Variants in CDYL observed in about 807,000 individuals in gnomAD.
The protein encoded by CDYL is chromodomain Y-like protein.
Under a neutral mutation model 47.3 loss-of-function variants are expected in CDYL, and 8 were observed. That is an observed-to-expected ratio of 0.17 (90% CI 0.10 to 0.31). The LOEUF is 0.31. Ranked by LOEUF, CDYL falls within the 10% of genes least tolerant of loss-of-function variation. The pLI is 1.00. For synonymous variants in CDYL, 266 were observed against 265.0 expected (o/e 1.00, Z -0.04); for missense variants, 471 against 701.4 (o/e 0.67, Z 3.71).
At chr6:4,836,215 A>G (rs1434488259) in intron 1 of CDYL, 2 of 961,156 alleles carry the variant, frequency 2.1e-6, no homozygotes, top group Non-Finnish European at 2.5e-6. Context: ...CTATTCGGCC[A>G]TCTTGGCTCC....
chr6:4,730,674 CAAAAAAAAAA>C (rs56956798), intron 2 of CDYL, among the ~76,000 whole-genome samples: 11 of 60,456 alleles, frequency 1.8e-4, no homozygotes, highest in Non-Finnish European at 3.6e-4. Context: ...AATTCCATCT[CAAAAAAAAAA>C]AAAAAAAAAA....
At chr6:4,932,559 T>C (rs1216108923) in intron 2 of CDYL, among the ~76,000 whole-genome samples, 1 of 152,216 alleles carries the variant, frequency 6.6e-6, no homozygotes, top group Non-Finnish European at 1.5e-5. Context: ...CTGCTTTTTG[T>C]GCTTGGATAT....
intron 1 of CDYL, among the ~76,000 whole-genome samples, chr6:4,786,755 C>T (rs1393930460): frequency 1.3e-5 from 2 of 152,142 alleles, no homozygotes; most frequent in Admixed American, 1.3e-4. Flanking sequence ...CTTCATAACT[C>T]CTCTCTGTCT....
At chr6:4,885,558 T>G (rs762772967) in intron 1 of CDYL, among the ~76,000 whole-genome samples, 3 of 152,196 alleles carry the variant, frequency 2.0e-5, no homozygotes, top group Non-Finnish European at 2.9e-5. Flanking sequence ...TGTTACACTG[T>G]TTCTCTGATG....
chr6:4,770,259 A>G (rs1581154879), intron 3 of CDYL, among the ~76,000 whole-genome samples: 1 of 152,288 alleles, frequency 6.6e-6, no homozygotes, highest in East Asian at 1.9e-4. Flanking sequence ...TAAATGGTCA[A>G]TAAGTATTTA....
chr6:4,943,312 T>A (rs1758415432), intron 4 of CDYL, among the ~76,000 whole-genome samples: 1 of 152,146 alleles, frequency 6.6e-6, no homozygotes, highest in South Asian at 2.1e-4. Context: ...GGCCTTCACG[T>A]AGGGCCTGTA....
At chr6:4,709,818 G>A (rs910952387) in intron 1 of CDYL, among the ~76,000 whole-genome samples, 3 of 152,216 alleles carry the variant, frequency 2.0e-5, no homozygotes, top group Admixed American at 1.3e-4. Flanking sequence ...TTGATTCGGT[G>A]TGAGGCATAT....
intron 1 of CDYL, among the ~76,000 whole-genome samples, chr6:4,844,546 C>A (rs949506172): frequency 6.6e-6 from 1 of 152,224 alleles, no homozygotes; most frequent in African/African-American, 2.4e-5. Flanking sequence ...GTGGGAGCTG[C>A]AAATTAGTCC....
intron 1 of CDYL, among the ~76,000 whole-genome samples, chr6:4,837,065 A>G (rs1269586357): frequency 6.6e-6 from 1 of 152,208 alleles, no homozygotes; most frequent in Non-Finnish European, 1.5e-5. Flanking sequence ...TACATAGCAG[A>G]CACTCTCTTG....
intron 2 of CDYL, among the ~76,000 whole-genome samples, chr6:4,725,434 A>G (rs561696881): frequency 3.9e-4 from 59 of 152,296 alleles, no homozygotes; most frequent in African/African-American, 1.3e-3. Context: ...CGAGGTGGGG[A>G]GGCTCAGGCA....
At chr6:4,732,021 A>T (rs755726143) in intron 2 of CDYL, among the ~76,000 whole-genome samples, 8 of 152,132 alleles carry the variant, frequency 5.3e-5, no homozygotes, top group African/African-American at 1.9e-4. Context: ...TTTAAAAGTA[A>T]TATGTAGAGT....
At chr6:4,901,636 T>C (rs1307262855) in intron 2 of CDYL, among the ~76,000 whole-genome samples, 1 of 152,224 alleles carries the variant, frequency 6.6e-6, no homozygotes, top group African/African-American at 2.4e-5. Context: ...AACCTACTCC[T>C]GACTTCCATT....
At chr6:4,745,097 TA>T (rs1223443279) in intron 3 of CDYL, among the ~76,000 whole-genome samples, 1 of 152,170 alleles carries the variant, frequency 6.6e-6, no homozygotes, top group Non-Finnish European at 1.5e-5. Context: ...CCCGAGTAGC[TA>T]GTACTACAGG....
At chr6:4,887,278 C>T (rs901609440) in intron 1 of CDYL, among the ~76,000 whole-genome samples, 1 of 152,220 alleles carries the variant, frequency 6.6e-6, no homozygotes, top group African/African-American at 2.4e-5. Context: ...ATCTAAAGAT[C>T]AATTTGGAGA....
chr6:4,751,060 TTAGC>T (rs1358310762), intron 3 of CDYL, among the ~76,000 whole-genome samples: 2 of 152,050 alleles, frequency 1.3e-5, no homozygotes, highest in East Asian at 3.9e-4. Context: ...TTTCACCATG[TTAGC>T]CAGGATGGTC....
intron 1 of CDYL, among the ~76,000 whole-genome samples, chr6:4,778,842 A>G (rs972431254): frequency 6.6e-6 from 1 of 152,078 alleles, no homozygotes; most frequent in Non-Finnish European, 1.5e-5. Flanking sequence ...AAAGTTTTGC[A>G]TGGCAGTTGA....
At chr6:4,940,840 C>T (rs531663591) in intron 4 of CDYL, among the ~76,000 whole-genome samples, 1 of 152,342 alleles carries the variant, frequency 6.6e-6, no homozygotes, top group South Asian at 2.1e-4. Context: ...AAACATGCCC[C>T]ATGACCCTGA....
intron 2 of CDYL, among the ~76,000 whole-genome samples, chr6:4,931,894 C>T (rs1758042712): frequency 6.6e-6 from 1 of 152,168 alleles, no homozygotes; most frequent in Non-Finnish European, 1.5e-5. Context: ...TTAGCAGAAC[C>T]ACGGATAGTT....
intron 1 of CDYL, among the ~76,000 whole-genome samples, chr6:4,808,903 C>T (rs988234197): frequency 1.3e-5 from 2 of 151,758 alleles, no homozygotes; most frequent in African/African-American, 4.8e-5. Flanking sequence ...TTTTTTGTTC[C>T]CCATACACAC....
Sources: gnomAD v4.1 joint callset for allele counts (sites outside exome capture counted in the v4.1 genomes callset) on GRCh38, gnomAD v4.1.1 for gene constraint, MANE v1.5 for transcripts, NCBI Gene and HGNC (gene_info 2026-07-23, HGNC 2026-07-21) for gene names.